The following CAMTA1 variants were observed in gnomAD, a reference collection of about 807,000 sequenced individuals.
CAMTA1 encodes calmodulin-binding transcription activator 1.
A neutral mutation model predicts 170.9 loss-of-function variants in CAMTA1; 27 were observed. That is an observed-to-expected ratio of 0.16 (90% CI 0.12 to 0.22). The LOEUF (loss-of-function observed/expected upper bound fraction) is 0.22. Ranked by LOEUF, CAMTA1 falls within the 10% of genes least tolerant of loss-of-function variation. The pLI, the probability that CAMTA1 is intolerant of heterozygous loss-of-function variation, is 1.00. For synonymous variants in CAMTA1, 833 were observed against 891.5 expected, an observed-to-expected ratio of 0.93 and a Z score of 1.17; for missense variants, 1,619 against 2,217.2, an observed-to-expected ratio of 0.73 and a Z score of 5.42.
At chr1:6,789,611 T>C (rs538430297) in intron 1 of CAMTA1, among the ~76,000 whole-genome samples, 8 of 152,304 alleles carry the variant, frequency 5.3e-5, no homozygotes, top group African/African-American at 1.4e-4. Flanking sequence ...GTTGACTCTT[T>C]TGTGGAACCT....
At chr1:6,816,747 C>G (rs1645869535) in intron 1 of CAMTA1, among the ~76,000 whole-genome samples, 1 of 152,192 alleles carries the variant, frequency 6.6e-6, no homozygotes, top group Non-Finnish European at 1.5e-5. Context: ...TCTGCAGGTG[C>G]TTAAGGCCAG....
intron 4 of CAMTA1, among the ~76,000 whole-genome samples, chr1:7,205,299 C>T (rs1217328719): frequency 6.6e-6 from 1 of 152,106 alleles, no homozygotes; most frequent in East Asian, 1.9e-4. Context: ...GACGGGGTTT[C>T]ACTAAGTTGG....
chr1:7,135,952 C>G lies in CAMTA1; in HGVS notation c.302+44581C>G, dbSNP rs142462568. 2.6e-3 allele frequency among the ~76,000 whole-genome samples: 392 copies of G among 152,300 alleles called. 1 individual carries two copies. The highest frequency in any genetic ancestry group is 9.0e-3 in the African/African-American group (375 of 41,568). On this transcript the variant is annotated intron_variant, in intron 4 of 22. Coordinates refer to ENST00000303635, the MANE Select transcript of CAMTA1 (RefSeq NM_015215.4). ...CCAAATCCAATACACCTCTATGGTA[C>G]TTACCTGGCTATACCCCATGCCTGT...
rs138465069 is a variant in CAMTA1 at position 7,765,213 on chromosome 1, A to C, written c.4990-1246A>C. Among the ~76,000 whole-genome samples the C allele has an allele frequency of 3.3e-3, 508 of 152,272 alleles. 6 individuals carry two copies. Among genetic ancestry groups the C allele is most frequent in the Middle Eastern group, 0.02 (6 of 294 alleles). On this transcript the variant is annotated intron_variant, in intron 22 of 22. Transcript: ENST00000303635. ...ATGGTATGCAGTACCACAAACTGTGACTTACACCACATGCATTGCCTTACA... is the reference window on the plus strand; with the variant it reads ...ATGGTATGCAGTACCACAAACTGTGCCTTACACCACATGCATTGCCTTACA...
chr1:7,109,303 C>T (rs1486418375), intron 4 of CAMTA1, among the ~76,000 whole-genome samples: 1 of 152,196 alleles, frequency 6.6e-6, no homozygotes, highest in East Asian at 1.9e-4. Context: ...TGCTGCCGCA[C>T]TATGCATTAC....
intron 3 of CAMTA1, among the ~76,000 whole-genome samples, chr1:7,001,789 C>A (rs1227267516): frequency 6.6e-6 from 1 of 152,180 alleles, no homozygotes; most frequent in East Asian, 1.9e-4. Flanking sequence ...AACGGCTGTG[C>A]CACCTTCCTT....
Position 6,830,043 on chromosome 1 carries a change from A to AT in CAMTA1, c.234+4844dup, listed in dbSNP as rs1017320191. ...TTCTTTTTTTATTTATTTATTTTTTATTTTTTTTTTTGAGACGGAGTCTCG... is the reference window on the plus strand; with the variant it reads ...TTCTTTTTTTATTTATTTATTTTTTATTTTTTTTTTTTGAGACGGAGTCTCG... On this transcript the variant is annotated intron_variant, in intron 3 of 22. Coordinates refer to ENST00000303635, the MANE Select transcript of CAMTA1 (RefSeq NM_015215.4). 6.5e-4 allele frequency among the ~76,000 whole-genome samples: 92 copies of AT among 141,376 alleles called. 1 individual carries two copies. The highest frequency in any genetic ancestry group is 1.5e-3 in the African/African-American group (56 of 38,264). The allele number at this position is 141,376 out of a possible 152,430, so 92.7% of individuals were successfully genotyped here. A position where few individuals can be genotyped will look rare whatever the true frequency, so the allele number is the denominator to read the frequency against.
In CAMTA1 at chr1:7,680,857, C is replaced by CA. The variant is rs1558119935; in HGVS notation, c.2914+3124_2914+3125insA. ...CGCAGAGAACACGCGCGCGCGCGCG[C>CA]GCGCCAGCAGCAGCAGCAGCAGCAG... is the stretch of plus-strand genomic sequence containing the variant. On this transcript the variant is annotated intron_variant, in intron 11 of 22. Transcript: ENST00000303635. This position sits in a 1 kb window ranked among gnomAD's most constrained non-coding sequence, Gnocchi z 4.4. 1.1e-3 allele frequency among the ~76,000 whole-genome samples: 82 copies of CA among 77,964 alleles called. No individual in the cohort carries two copies. The highest frequency in any genetic ancestry group is 8.1e-3 in the Middle Eastern group (1 of 124). The allele number at this position is 77,964 out of a possible 152,430, so 51.1% of individuals were successfully genotyped here. A position where few individuals can be genotyped will look rare whatever the true frequency, so the allele number is the denominator to read the frequency against.
chr1:7,098,473 G>A (rs1433334902), intron 4 of CAMTA1, among the ~76,000 whole-genome samples: 1 of 152,230 alleles, frequency 6.6e-6, no homozygotes, highest in Non-Finnish European at 1.5e-5. Flanking sequence ...GGAGCCTCCT[G>A]CCCGAGGACT....
In CAMTA1 at chr1:7,510,542, G is replaced by A. The variant is rs143052791; in HGVS notation, c.510+42641G>A. Among the ~76,000 whole-genome samples, 30 of 146,710 alleles carry A rather than the reference G, an allele frequency of 2.0e-4. 5 individuals are homozygous for A. The East Asian group carries it at 6.4e-3, about 31-fold the overall frequency. On this transcript the variant is annotated intron_variant, in intron 6 of 22. Transcript: ENST00000303635. ...GTAGCTCGTACTATGACTGCGATGG[G>A]CAGAGCCCAGTCTGCCACAGGCACT...
At chr1:6,878,281 A>G (rs1483593713) in intron 3 of CAMTA1, among the ~76,000 whole-genome samples, 4 of 152,234 alleles carry the variant, frequency 2.6e-5, no homozygotes, top group Admixed American at 6.5e-5. Context: ...GCAGTTTGAA[A>G]TGAAAGACAA....
At chr1:7,170,521 G>A (rs543178527) in intron 4 of CAMTA1, among the ~76,000 whole-genome samples, 1 of 152,070 alleles carries the variant, frequency 6.6e-6, no homozygotes, top group Non-Finnish European at 1.5e-5. Context: ...GTGTCCATGT[G>A]TTCTCATTGT....
At position 7,455,893 on chromosome 1, in the gene CAMTA1, G is replaced by C. The variant is rs1398901528; in HGVS notation, c.439-11937G>C. 2.6e-5 allele frequency among the ~76,000 whole-genome samples: 4 copies of C among 152,246 alleles called. No individual in the cohort carries two copies. Among genetic ancestry groups the C allele is most frequent in the African/African-American group, 9.6e-5 (4 of 41,462 alleles). On this transcript the variant is annotated intron_variant, in intron 5 of 22. Transcript: ENST00000303635. The surrounding 1 kb of genome is among the most constrained non-coding windows in gnomAD (Gnocchi z 5.0). The stretch of plus-strand genomic sequence containing the variant: ...CTCCTCTGGGAATGGCAGATGAGTA[G>C]AGAGAAAGGCCGGCCACCTGGGGCT...
chr1:6,919,586 CCAGT>C (rs1681547936), intron 3 of CAMTA1, among the ~76,000 whole-genome samples: 2 of 151,310 alleles, frequency 1.3e-5, no homozygotes, highest in Admixed American at 6.6e-5. Flanking sequence ...ATGATGAAGA[CCAGT>C]CAAATTTCAG....
rs569239395 is a variant in CAMTA1, at chr1:7,285,668, A to G, written c.438+36042A>G. Among the ~76,000 whole-genome samples, 26 of 152,308 alleles carry G rather than the reference A, an allele frequency of 1.7e-4. No individual in the cohort carries two copies. The South Asian group carries it at 5.2e-3, about 30-fold the overall frequency. Reference sequence around the variant, plus strand: ...GAACCCTCTAACCTAAACATCACATAAGGGGAACTCGGCGCACAGGTGAAC... The same window carrying G: ...GAACCCTCTAACCTAAACATCACATGAGGGGAACTCGGCGCACAGGTGAAC... On this transcript the variant is annotated intron_variant, in intron 5 of 22. Coordinates refer to ENST00000303635, the MANE Select transcript of CAMTA1 (RefSeq NM_015215.4).
At chr1:7,089,111 A>G (rs546658721) in intron 3 of CAMTA1, among the ~76,000 whole-genome samples, 6 of 152,300 alleles carry the variant, frequency 3.9e-5, no homozygotes, top group African/African-American at 1.4e-4. Flanking sequence ...GGTGGCTCAC[A>G]CCACGTAGAT....
At chr1:6,823,029 C>A (rs1646696958) in intron 2 of CAMTA1, among the ~76,000 whole-genome samples, 1 of 152,212 alleles carries the variant, frequency 6.6e-6, no homozygotes, top group Admixed American at 6.5e-5. Flanking sequence ...TCAGAGCAAG[C>A]CCATCCATTG....
At chr1:7,697,082 C>T (rs944113858) in intron 11 of CAMTA1, among the ~76,000 whole-genome samples, 4 of 152,166 alleles carry the variant, frequency 2.6e-5, no homozygotes, top group African/African-American at 7.2e-5. Flanking sequence ...CCTAGGGCAT[C>T]CTGGCCAACT....
At chr1:6,958,498 C>T (rs1169872453) in intron 3 of CAMTA1, among the ~76,000 whole-genome samples, 2 of 152,226 alleles carry the variant, frequency 1.3e-5, no homozygotes, top group Non-Finnish European at 2.9e-5. Context: ...CCTGTCCACA[C>T]AACAGATTTC....
Sources: gnomAD v4.1 joint callset for allele counts (sites outside exome capture counted in the v4.1 genomes callset) on GRCh38, gnomAD v4.1.1 for gene constraint, Gnocchi (gnomAD v3.1) non-coding constraint, MANE v1.5 for transcripts, NCBI Gene and HGNC (gene_info 2026-07-23, HGNC 2026-07-21) for gene names.